BACH1: variants seen among roughly 807,000 people sequenced by gnomAD.
BACH1 encodes BTB domain and CNC homolog 1, also known as transcription regulator protein BACH1.
Under a neutral mutation model 52.9 loss-of-function variants are expected in BACH1, and 35 were observed. That is an observed-to-expected ratio of 0.66 (90% CI 0.51 to 0.88). The LOEUF (loss-of-function observed/expected upper bound fraction) is 0.88, where lower values mean the gene tolerates loss of function less well. Ranked by LOEUF, BACH1 falls within the 40% of genes least tolerant of loss-of-function variation. The pLI is 0.00. For missense variants in BACH1, 808 were observed against 872.6 expected (o/e 0.93, Z 0.93); for synonymous variants, 321 against 319.6 (o/e 1.00, Z -0.05).
Position 29,345,383 on chromosome 21 carries a change from C to T in BACH1, c.*2550C>T, listed in dbSNP as rs1284492554. The T allele has an allele frequency of 6.6e-6, 1 of 152,150 alleles. No individual in the cohort carries two copies. Among genetic ancestry groups the T allele is most frequent in the Non-Finnish European group, 1.5e-5 (1 of 67,996 alleles). The allele number at this position is 152,150 out of a possible 1,614,324, so 9.4% of individuals were successfully genotyped here. On this transcript the variant is annotated 3_prime_UTR_variant, in exon 5 of 5. Transcript: ENST00000286800. ...TTCATGCAGAATTTTGAAATGTTTT[C>T]AGTTTGTATATTGCATATTCACATG...
At chr21:29,303,642 G>T (rs1354340581) in intron 1 of BACH1, among the ~76,000 whole-genome samples, 1 of 152,192 alleles carries the variant, frequency 6.6e-6, no homozygotes, top group Non-Finnish European at 1.5e-5. Flanking sequence ...CATCTCCTAA[G>T]ATAGACATAA....
intron 2 of BACH1, among the ~76,000 whole-genome samples, chr21:29,355,669 A>G (rs2086488331): frequency 1.3e-5 from 2 of 152,230 alleles, no homozygotes; most frequent in South Asian, 4.1e-4. Flanking sequence ...TTGGGGTTCC[A>G]TTCGTAAGAC....
chr21:29,354,475 A>G (rs1033912722), intron 2 of BACH1, among the ~76,000 whole-genome samples: 2 of 152,184 alleles, frequency 1.3e-5, no homozygotes, highest in Admixed American at 1.3e-4. Flanking sequence ...TCAGACAAGA[A>G]GTTAGGTGGA....
chr21:29,334,360 A>T (rs936886472), intron 4 of BACH1, among the ~76,000 whole-genome samples: 1 of 152,134 alleles, frequency 6.6e-6, no homozygotes, highest in Admixed American at 6.5e-5. Context: ...GGCCTCCCAA[A>T]GTGCTGGGAT....
At chr21:29,347,173 C>T (rs571068889), downstream of BACH1, among the ~76,000 whole-genome samples, 3 of 152,302 alleles carry the variant, frequency 2.0e-5, no homozygotes, top group African/African-American at 7.2e-5. Flanking sequence ...AGGTGAAGTC[C>T]ATATCGCTGA....
intron 1 of BACH1, among the ~76,000 whole-genome samples, chr21:29,320,846 T>A (rs532237493): frequency 1.4e-3 from 215 of 152,302 alleles, no homozygotes; most frequent in African/African-American, 4.9e-3. Flanking sequence ...TCTGGCTGTC[T>A]CTCCTGCCTT....
chr21:29,309,543 T>C (rs2088696967), intron 1 of BACH1, among the ~76,000 whole-genome samples: 1 of 152,210 alleles, frequency 6.6e-6, no homozygotes, highest in Non-Finnish European at 1.5e-5. Flanking sequence ...AAGCCTTTAG[T>C]TTCCTTATCT....
chr21:29,358,052 C>T (rs1397131822), intron 2 of BACH1, among the ~76,000 whole-genome samples: 5 of 152,154 alleles, frequency 3.3e-5, no homozygotes, highest in Admixed American at 2.0e-4. Flanking sequence ...TTATACTTCC[C>T]TGCTGGAGTG....
At chr21:29,339,487 T>A (rs1427050951) in intron 4 of BACH1, among the ~76,000 whole-genome samples, 1 of 152,208 alleles carries the variant, frequency 6.6e-6, no homozygotes, top group Non-Finnish European at 1.5e-5. Context: ...CTCTTTACCC[T>A]ATCATAAAAT....
intron 1 of BACH1, among the ~76,000 whole-genome samples, chr21:29,313,208 G>A (rs1238555187): frequency 6.6e-6 from 1 of 152,114 alleles, no homozygotes; most frequent in African/African-American, 2.4e-5. Flanking sequence ...AAAAAAAAAG[G>A]TCCATGCATG....
chr21:29,341,990 C>T lies in BACH1; in HGVS notation c.1777-409C>T, dbSNP rs553195789. Reference sequence around the variant, plus strand: ...TGTAAATCCAGAAAGCTCCAAAAACCGTATGTTTGTCACAAACTCTTTTGA... The same window carrying T: ...TGTAAATCCAGAAAGCTCCAAAAACTGTATGTTTGTCACAAACTCTTTTGA... On this transcript the variant is annotated intron_variant, in intron 4 of 4. Transcript: ENST00000286800. Among the ~76,000 whole-genome samples the T allele has an allele frequency of 8.3e-4, 126 of 152,250 alleles. 1 individual carries two copies. The highest frequency in any genetic ancestry group is 2.7e-3 in the African/African-American group (113 of 41,528).
chr21:29,326,089 C>A lies in BACH1; in HGVS notation c.265C>A (p.Gln89Lys). 2 of 1,609,480 alleles carry A rather than the reference C, an allele frequency of 1.2e-6. No individual in the cohort carries two copies. Among genetic ancestry groups the A allele is most frequent in the South Asian group, 2.2e-5 (2 of 90,222 alleles). Residue 89 changes from glutamine (Q) to lysine (K), a missense_variant, in exon 3 of 5, where the codon CAG becomes AAG. Coordinates refer to ENST00000286800, the MANE Select transcript of BACH1 (RefSeq NM_001186.4). ...AGTTAAAGGATTTGAACCTTTAATT[C>A]AGTTTGCCTACACTGCTAAACTGAT... ...VTVKGFEPLI[Q>K]FAYTAKLILS...
intron 2 of BACH1, among the ~76,000 whole-genome samples, chr21:29,325,580 G>A (rs1020820685): frequency 2.6e-5 from 4 of 152,184 alleles, no homozygotes; most frequent in Admixed American, 2.6e-4. Context: ...CATGGATCAA[G>A]ACTTTGTAAC....
chr21:29,320,375 A>G (rs1029119753), intron 1 of BACH1, among the ~76,000 whole-genome samples: 2 of 152,194 alleles, frequency 1.3e-5, no homozygotes, highest in Admixed American at 1.3e-4. Flanking sequence ...ATAGTAGCAC[A>G]TGTCTGAAAA....
In BACH1 at chr21:29,309,111, A is replaced by G. The variant is rs148270732; in HGVS notation, c.-61+10158A>G. ...TGTCTCTACTAAAAATATGAAAATT[A>G]TCTGGGCGTGGTGATGCTCGCCTGC... On this transcript the variant is annotated intron_variant, in intron 1 of 4. Transcript: ENST00000286800. Among the ~76,000 whole-genome samples, 1,035 of 152,216 alleles carry G rather than the reference A, an allele frequency of 6.8e-3. 6 individuals are homozygous for G. The highest frequency in any genetic ancestry group is 0.015 in the Admixed American group (235 of 15,282).
chr21:29,311,042 ATCAGAT>A (rs1420498273), intron 1 of BACH1, among the ~76,000 whole-genome samples: 1 of 152,222 alleles, frequency 6.6e-6, no homozygotes, highest in Non-Finnish European at 1.5e-5. Flanking sequence ...AATAGATTTC[ATCAGAT>A]TCTGTAAGGC....
intron 2 of BACH1, among the ~76,000 whole-genome samples, chr21:29,358,770 A>AAAAG (rs373884402): frequency 0.11 from 12,016 of 108,684 alleles, 667 homozygotes; most frequent in East Asian, 0.14. Context: ...AAAAGAAAAG[A>AAAAG]AAAGAAAGAA....
chr21:29,315,425 T>C (rs902044663), intron 1 of BACH1, among the ~76,000 whole-genome samples: 2 of 152,116 alleles, frequency 1.3e-5, no homozygotes, highest in African/African-American at 4.8e-5. Context: ...GTGAAAGTAA[T>C]TGACAGGTTG....
intron 4 of BACH1, among the ~76,000 whole-genome samples, chr21:29,330,203 C>T (rs944143554): frequency 7.2e-5 from 11 of 152,136 alleles, no homozygotes; most frequent in East Asian, 3.9e-4. Context: ...CTTGCTTTGT[C>T]GCCCAGGCTG....
Sources: gnomAD v4.1 joint callset for allele counts (sites outside exome capture counted in the v4.1 genomes callset) on GRCh38, gnomAD v4.1.1 for gene constraint, MANE v1.5 for transcripts, NCBI Gene and HGNC (gene_info 2026-07-23, HGNC 2026-07-21) for gene names.